The following PLD3 variants were observed in gnomAD, a reference collection of about 807,000 sequenced individuals.
PLD3 encodes the protein 5'-3' exonuclease PLD3.
A neutral mutation model predicts 58.4 loss-of-function variants in PLD3; 31 were observed. The ratio of observed to expected loss-of-function variants is 0.53; its 90% confidence interval spans 0.40 to 0.72. PLD3 has a LOEUF of 0.72. Among genes scored for constraint, PLD3 ranks in the 30% least tolerant of loss-of-function variants. The pLI is 0.00. For synonymous variants in PLD3, 264 were observed against 273.4 expected, an observed-to-expected ratio of 0.97 and a Z score of 0.34; for missense variants, 595 against 659.8, an observed-to-expected ratio of 0.90 and a Z score of 1.08.
In PLD3 at chr19:40,367,763, A is replaced by C. The variant is rs1389736027; in HGVS notation, c.313A>C (p.Thr105Pro). The stretch of plus-strand genomic sequence containing the variant: ...CAATGCCTCCACGGGGAACCCTTCC[A>C]CCAGCCAGGCCTGGCTGGGCCTGCT... ...FPNASTGNPS[T>P]SQAWLGLLAG... is the part of the protein sequence containing the mutation. Residue 105 changes from threonine to proline, a missense_variant, in exon 6 of 13, where the codon ACC (threonine) becomes CCC (proline). Physicochemically the swap from Thr to Pro is conservative, Grantham distance 38 (BLOSUM62 -1). Transcript: ENST00000409735. 5 of 1,613,242 alleles carry C rather than the reference A, an allele frequency of 3.1e-6. No individual in the cohort carries two copies. The highest frequency in any genetic ancestry group is 3.4e-6 in the Non-Finnish European group (4 of 1,179,734).
At position 40,367,842 on chromosome 19, in the gene PLD3, A is replaced by G; in HGVS notation, c.392A>G (p.Asn131Ser). ...GCCTCCTTCTACTGGACCCTCACCAACAATGACACCCACACGCAGGAGCCC... is the reference window on the plus strand; with the variant it reads ...GCCTCCTTCTACTGGACCCTCACCAGCAATGACACCCACACGCAGGAGCCC... The part of the protein sequence containing the change: ...DIASFYWTLT[N>S]NDTHTQEPSA... Residue 131 changes from asparagine (N) to serine (S), a missense_variant, in exon 6 of 13, where the codon AAC (asparagine) becomes AGC (serine). Asn to Ser is a conservative substitution (Grantham distance 46, BLOSUM62 1). Coordinates refer to ENST00000409735, the MANE Select transcript of PLD3 (RefSeq NM_012268.4). 1 of 1,579,274 alleles carries G rather than the reference A, an allele frequency of 6.3e-7. No homozygotes were observed. The highest frequency in any genetic ancestry group is 1.1e-5 in the South Asian group (1 of 87,420).
intron 9 of PLD3, among the ~76,000 whole-genome samples, chr19:40,372,900 G>A (rs968808015): frequency 2.6e-5 from 4 of 152,156 alleles, no homozygotes; most frequent in Non-Finnish European, 5.9e-5. Context: ...AGTTCCTCAT[G>A]CAGTAGCCAC....
chr19:40,355,134 C>T (rs146940899), intron 1 of PLD3, among the ~76,000 whole-genome samples: 3 of 152,006 alleles, frequency 2.0e-5, no homozygotes, highest in African/African-American at 4.8e-5. Context: ...CCACCATGCC[C>T]GACCCTGTTG....
intron 1 of PLD3, among the ~76,000 whole-genome samples, chr19:40,364,366 A>ATAGGGGCCAGATG (rs2078862277): frequency 6.6e-6 from 1 of 151,630 alleles, no homozygotes; most frequent in East Asian, 1.9e-4. Flanking sequence ...AAAAAAGAAA[A>ATAGGGGCCAGATG]TAGGGGCCAG....
chr19:40,371,750 G>C lies in PLD3; in HGVS notation c.756G>C (p.Trp252Cys). Reference sequence around the variant, plus strand: ...TGACCAAGATCTTTGAGGCCTACTGGTTCCTGGGCCAGGCAGGCAGCTCCA... The same window carrying C: ...TGACCAAGATCTTTGAGGCCTACTGCTTCCTGGGCCAGGCAGGCAGCTCCA... ...RDLTKIFEAY[W>C]FLGQAGSSIP... The change falls in exon 9 of 13, where the codon TGG becomes TGC. Residue 252 changes from tryptophan (W) to cysteine (C), a missense_variant. By Grantham distance (215) the Trp-to-Cys change is radical. Coordinates refer to ENST00000409735, the MANE Select transcript of PLD3 (RefSeq NM_012268.4). 1 of 1,614,008 alleles carries C rather than the reference G, an allele frequency of 6.2e-7. No homozygotes were observed. Among genetic ancestry groups the C allele is most frequent in the Non-Finnish European group, 8.5e-7 (1 of 1,179,976 alleles).
chr19:40,371,922 A>T, intron 9 of PLD3, 49 bp downstream of exon 9: 1 of 1,437,380 alleles, frequency 7.0e-7, no homozygotes, highest in Non-Finnish European at 9.8e-7. Flanking sequence ...CCATGCCGTC[A>T]CTCACAGCCT....
chr19:40,371,551 T>G, intron 8 of PLD3, 122 bp from the exon 9 acceptor site: 1 of 625,186 alleles, frequency 1.6e-6, no homozygotes, highest in South Asian at 1.9e-5. Flanking sequence ...CTTTAGCTAT[T>G]GGAGCTGGGG....
intron 4 of PLD3, 34 bp from the exon 5 acceptor site, chr19:40,366,739 C>T (rs758575587): frequency 6.2e-7 from 1 of 1,613,938 alleles, no homozygotes. Flanking sequence ...GGCTGCCCCC[C>T]TCGGGCTGGC....
At position 40,348,773 on chromosome 19, in the gene PLD3, T is replaced by A; in HGVS notation, c.-279+5T>A. On this transcript the variant is annotated splice_donor_5th_base_variant and intron_variant, in intron 1 of 12. Coordinates refer to ENST00000409735, the MANE Select transcript of PLD3 (RefSeq NM_012268.4). ...AGTGGGAGACGTGGAGTGCAGGTAC[T>A]GTGCGATCTGGGGGCGCGGCGCCTC... 1 of 361,796 alleles carries A rather than the reference T, an allele frequency of 2.8e-6. No homozygotes were observed. 22.4% of individuals were successfully genotyped at this position (361,796 alleles called of 1,614,324 possible).
intron 9 of PLD3, among the ~76,000 whole-genome samples, chr19:40,373,470 G>A (rs557580191): frequency 2.0e-5 from 3 of 152,048 alleles, no homozygotes; most frequent in East Asian, 1.9e-4. Flanking sequence ...CCAGCTACTC[G>A]GGAGGCTGAG....
intron 1 of PLD3, chr19:40,359,690 T>A (rs2078734537): frequency 6.6e-6 from 1 of 152,142 alleles, no homozygotes; most frequent in African/African-American, 2.4e-5. Flanking sequence ...TTTAAAAAAA[T>A]TCAATGTAAG....
intron 8 of PLD3, chr19:40,370,501 C>G: frequency 3.3e-6 from 1 of 300,994 alleles, no homozygotes; most frequent in South Asian, 5.2e-5. Context: ...AGTGAGACCC[C>G]ATCTCTACCA....
At chr19:40,371,982 G>T (rs1374119083) in intron 9 of PLD3, 109 bp downstream of exon 9, 3 of 858,790 alleles carry the variant, frequency 3.5e-6, no homozygotes, top group Non-Finnish European at 5.7e-6. Context: ...CTGACCATCA[G>T]TTCTCACCCC....
At position 40,377,885 on chromosome 19, in the gene PLD3, G is replaced by A. The variant is rs986006936; in HGVS notation, c.1285G>A (p.Gly429Arg). ...GGTGACTGAACGCGCCACCTACATC[G>A]GTGAGTGTCTTGAGCACCACGGGGC... ...YMVTERATYI[G>R]TSNWSGNYFT... Residue 429 changes from glycine to arginine, a missense_variant and splice_region_variant, in exon 12 of 13, where the codon GGA (glycine) becomes AGA (arginine). Transcript: ENST00000409735. The A allele has an allele frequency of 8.1e-6, 13 of 1,613,688 alleles. No homozygotes were observed. The highest frequency in any genetic ancestry group is 1.6e-4 in the Middle Eastern group (1 of 6,080).
rs915176811 is a variant in PLD3, at chr19:40,348,714, C to T, written c.-333C>T. 11 of 580,626 alleles carry T rather than the reference C, an allele frequency of 1.9e-5. No individual in the cohort carries two copies. Among genetic ancestry groups the T allele is most frequent in the Non-Finnish European group, 3.0e-5 (11 of 363,908 alleles). 36.0% of individuals were successfully genotyped at this position (580,626 alleles called of 1,614,324 possible). A position where few individuals can be genotyped will look rare whatever the true frequency, so the allele number is the denominator to read the frequency against. ...TAGGAGGGGCCGTCAGGCGGGGATA[C>T]AGCCTGGAAGGTGCGTGTGGGGCTG... On this transcript the variant is annotated 5_prime_UTR_variant, in exon 1 of 13. Transcript: ENST00000409735.
intron 1 of PLD3, among the ~76,000 whole-genome samples, chr19:40,364,915 G>A (rs989196021): frequency 1.3e-5 from 2 of 151,936 alleles, no homozygotes; most frequent in Admixed American, 1.3e-4. Context: ...AGTGAGCTAT[G>A]ATCATGCTGC....
chr19:40,351,261 C>T (rs1410134166), intron 1 of PLD3, among the ~76,000 whole-genome samples: 1 of 149,472 alleles, frequency 6.7e-6, no homozygotes, highest in Non-Finnish European at 1.5e-5. Flanking sequence ...AACAAAAAAA[C>T]GGCCAGGCGT....
chr19:40,362,116 C>T (rs764923367), intron 1 of PLD3, among the ~76,000 whole-genome samples: 4 of 152,126 alleles, frequency 2.6e-5, no homozygotes, highest in African/African-American at 7.2e-5. Context: ...GCATTACAGG[C>T]GTGAGACACC....
At chr19:40,352,869 G>A (rs994954062) in intron 1 of PLD3, among the ~76,000 whole-genome samples, 7 of 152,062 alleles carry the variant, frequency 4.6e-5, no homozygotes, top group South Asian at 2.1e-4. Flanking sequence ...AGGCTGAGGC[G>A]AGAGGATCAC....
Sources: allele counts gnomAD v4.1 joint callset (sites outside exome capture counted in the v4.1 genomes callset), GRCh38; gene constraint gnomAD v4.1.1; transcripts MANE v1.5; gene names NCBI Gene and HGNC (gene_info 2026-07-23, HGNC 2026-07-21).